Variants in ING5 observed in about 807,000 individuals in gnomAD.
ING5 encodes inhibitor of growth family member 5.
A neutral mutation model predicts 37.4 loss-of-function variants in ING5; 17 were observed. The observed-to-expected ratio is 0.45, with a 90% CI of 0.31 to 0.68. The LOEUF (loss-of-function observed/expected upper bound fraction) is 0.68, where lower values mean the gene tolerates loss of function less well. ING5 is among the 30% of genes least tolerant of loss of function. The pLI is 0.05. For synonymous variants in ING5, 123 were observed against 116.6 expected, an observed-to-expected ratio of 1.06 and a Z score of -0.36; for missense variants, 233 against 311.9, an observed-to-expected ratio of 0.75 and a Z score of 1.91.
intron 5 of ING5, among the ~76,000 whole-genome samples, chr2:241,715,104 C>G (rs1380325851): frequency 2.6e-5 from 4 of 152,034 alleles, no homozygotes; most frequent in Non-Finnish European, 5.9e-5. Flanking sequence ...ATCTTTGTTG[C>G]ACTCCACAAA....
intron 1 of ING5, among the ~76,000 whole-genome samples, chr2:241,702,529 G>T (rs2069775772): frequency 6.8e-6 from 1 of 146,702 alleles, no homozygotes; most frequent in South Asian, 2.2e-4. Flanking sequence ...GGGCCTTGGG[G>T]GCTCCGGGGT....
exon 1 of ING5, chr2:241,687,207 C>A (rs2069449553): frequency 5.1e-6 from 2 of 395,710 alleles, no homozygotes; most frequent in South Asian, 2.6e-4. Flanking sequence ...CTGCGCGCAG[C>A]GGGCCCGACT....
At chr2:241,705,688 G>T (rs1434011300) in intron 2 of ING5, among the ~76,000 whole-genome samples, 1 of 152,180 alleles carries the variant, frequency 6.6e-6, no homozygotes, top group Non-Finnish European at 1.5e-5. Flanking sequence ...TTACAGGCAT[G>T]AGCCACCGCG....
chr2:241,721,135 G>A, intron 5 of ING5: 1 of 985,610 alleles, frequency 1.0e-6, no homozygotes, highest in Non-Finnish European at 1.2e-6. Context: ...AGCAGAGGGT[G>A]CTGCCCTGCT....
chr2:241,713,817 C>T (rs933207990), intron 5 of ING5, among the ~76,000 whole-genome samples: 3 of 151,900 alleles, frequency 2.0e-5, no homozygotes, highest in East Asian at 1.9e-4. Flanking sequence ...GGTGAAACCC[C>T]GTCTCTACCA....
chr2:241,708,498 C>T (rs1575126598), intron 2 of ING5, among the ~76,000 whole-genome samples: 2 of 152,150 alleles, frequency 1.3e-5, no homozygotes, highest in African/African-American at 4.8e-5. Context: ...TGAGCCACCA[C>T]GCCTGGCCTA....
In ING5 at chr2:241,715,408, G is replaced by A. The variant is rs139996580; in HGVS notation, c.482+3337G>A. Among the ~76,000 whole-genome samples, 1,501 of 151,316 alleles carry A rather than the reference G, an allele frequency of 9.9e-3. 28 individuals are homozygous for A. Among genetic ancestry groups the A allele is most frequent in the African/African-American group, 0.035 (1,438 of 41,158 alleles). On this transcript the variant is annotated intron_variant, in intron 5 of 7. Coordinates refer to ENST00000313552, the MANE Select transcript of ING5 (RefSeq NM_032329.6). ...ATGGAGTTTCACCATGTTGCCCAGG[G>A]TGGTCTTAAACTCCTGAGCTCAAGT...
At chr2:241,718,847 C>T (rs6708272) in intron 5 of ING5, among the ~76,000 whole-genome samples, 103,305 of 152,118 alleles carry the variant, frequency 0.68, 36,076 homozygotes, top group African/African-American at 0.84. Context: ...TAGCCGGGAT[C>T]ACAGGCATGT....
chr2:241,711,615 T>C (rs1378659663), intron 4 of ING5, 127 bp downstream of exon 4: 11 of 738,692 alleles, frequency 1.5e-5, no homozygotes, highest in Non-Finnish European at 2.4e-5. Context: ...AACCTTGTCT[T>C]GCAGGCTGGG....
rs1024458690 is a variant in ING5 at position 241,689,088 on chromosome 2, A to C, written c.-773-750A>C. Among the ~76,000 whole-genome samples, 3 of 151,480 alleles carry C rather than the reference A, an allele frequency of 2.0e-5. No homozygotes were observed. The South Asian group carries it at 6.2e-4, about 32-fold the overall frequency. ...AGTGCTGAGATTACAGGCGTGAGCC[A>C]CTGCGCCCGGCCAATTTATTTTTTA... On this transcript the variant is annotated intron_variant, in intron 1 of 7. Coordinates refer to the ING5 transcript ENST00000636051.
In ING5 at chr2:241,728,935, A is replaced by G. The variant is rs1691720632; in HGVS notation, c.*3904A>G. Reference sequence around the variant, plus strand: ...GTCTGGTGTCCAGCAGCCCTGCCGGACTTGGCCTCCTGTCCTGTCGTTGGG... The same window carrying G: ...GTCTGGTGTCCAGCAGCCCTGCCGGGCTTGGCCTCCTGTCCTGTCGTTGGG... On this transcript the variant is annotated 3_prime_UTR_variant, in exon 8 of 8. Coordinates refer to ENST00000313552, the MANE Select transcript of ING5 (RefSeq NM_032329.6). The G allele has an allele frequency of 6.6e-6, 1 of 152,216 alleles. No homozygotes were observed. The highest frequency in any genetic ancestry group is 2.4e-5 in the African/African-American group (1 of 41,444). The allele number at this position is 152,216 out of a possible 1,614,324, so 9.4% of individuals were successfully genotyped here.
chr2:241,703,183 G>A (rs2069797322), intron 1 of ING5, among the ~76,000 whole-genome samples: 1 of 152,228 alleles, frequency 6.6e-6, no homozygotes, highest in Admixed American at 6.5e-5. Context: ...TCCCAAGGAG[G>A]GTTGACTTTG....
chr2:241,712,212 T>C (rs967964423), intron 5 of ING5, 141 bp downstream of exon 5: 2 of 701,332 alleles, frequency 2.9e-6, no homozygotes, highest in Non-Finnish European at 4.7e-6. Flanking sequence ...GCTGCGCGCC[T>C]GTCGTCAGCC....
chr2:241,722,030 G>C (rs1412799847), intron 5 of ING5: 3 of 985,330 alleles, frequency 3.0e-6, no homozygotes, highest in African/African-American at 1.7e-5. Context: ...TGGGTGGGTG[G>C]TGGGCGGTCC....
upstream of ING5, among the ~76,000 whole-genome samples, chr2:241,699,003 C>T (rs1047425913): frequency 2.0e-4 from 29 of 146,884 alleles, no homozygotes; most frequent in Non-Finnish European, 4.0e-4. Context: ...GCTGGGATTA[C>T]AGGCGTGAGC....
Position 241,722,972 on chromosome 2 carries a change from C to T in ING5, c.516C>T (p.His172=), listed in dbSNP as rs1423640226. Residue 172 remains histidine (H), a synonymous_variant, in exon 6 of 8, where the codon CAC becomes CAT. Coordinates refer to ENST00000313552, the MANE Select transcript of ING5 (RefSeq NM_032329.6). ...SEFTDTILSV[H]PSDVLDMPVD... ...TCACTGACACCATCCTGTCCGTGCA[C>T]CCCTCTGATGTGCTGGACATGCCCG... The T allele has an allele frequency of 6.2e-7, 1 of 1,614,054 alleles. No homozygotes were observed. The highest frequency in any genetic ancestry group is 2.2e-5 in the East Asian group (1 of 44,898).
Position 241,722,943 on chromosome 2 carries a change from G to C in ING5, c.487G>C (p.Glu163Gln). Reference sequence around the variant, plus strand: ...CCTGTGCCCTGTCCCCTGCAGGTCTGAGTTCACTGACACCATCCTGTCCGT... The same window carrying C: ...CCTGTGCCCTGTCCCCTGCAGGTCTCAGTTCACTGACACCATCCTGTCCGT... ...PKKKKHKGGS[E>Q]FTDTILSVHP... Residue 163 changes from glutamate to glutamine, a missense_variant, in exon 6 of 8, where the codon GAG (glutamate) becomes CAG (glutamine). By Grantham distance (29) the Glu-to-Gln change is conservative (BLOSUM62 2). Around this residue, in one of 4 missense-constraint regions of ING5, gnomAD observed 76 missense variants for 68.2 expected, o/e 1.11. Coordinates refer to ENST00000313552, the MANE Select transcript of ING5 (RefSeq NM_032329.6). 1 of 1,613,920 alleles carries C rather than the reference G, an allele frequency of 6.2e-7. No individual in the cohort carries two copies. Among genetic ancestry groups the C allele is most frequent in the Admixed American group, 1.7e-5 (1 of 60,020 alleles).
chr2:241,689,353 G>A (rs6437279), intron 1 of ING5, among the ~76,000 whole-genome samples: 60,600 of 151,946 alleles, frequency 0.4, 12,204 homozygotes, highest in Middle Eastern at 0.49. Flanking sequence ...CGGGTGATCC[G>A]CCCACGTCAG....
chr2:241,693,294 A>G (rs532942224), intron 2 of ING5, among the ~76,000 whole-genome samples: 23 of 148,658 alleles, frequency 1.5e-4, no homozygotes, highest in African/African-American at 5.2e-4. Context: ...TAAGGGCCCT[A>G]TCTACAAACA....
Sources: allele counts gnomAD v4.1 joint callset (sites outside exome capture counted in the v4.1 genomes callset), GRCh38; gene constraint gnomAD v4.1.1; regional missense constraint gnomAD v4.1.1; transcripts MANE v1.5; gene names NCBI Gene and HGNC (gene_info 2026-07-23, HGNC 2026-07-21).